DCAF6: variants seen among roughly 807,000 people sequenced by gnomAD.
The protein encoded by DCAF6 is DDB1 and CUL4 associated factor 6.
In DCAF6, 54 loss-of-function variants were observed where a neutral mutation model predicts 125.1. The observed-to-expected ratio is 0.43, with a 90% CI of 0.35 to 0.54. The LOEUF (loss-of-function observed/expected upper bound fraction) is 0.54, where lower values mean the gene tolerates loss of function less well. DCAF6 is among the 20% of genes least tolerant of loss of function. The pLI, the probability that DCAF6 is intolerant of heterozygous loss-of-function variation, is 0.01. For synonymous variants in DCAF6, 371 were observed against 390.4 expected, an observed-to-expected ratio of 0.95 and a Z score of 0.58; for missense variants, 934 against 1,161.7, an observed-to-expected ratio of 0.80 and a Z score of 2.85.
the DCAF6 span, among the ~76,000 whole-genome samples, chr1:167,894,180 G>A: frequency 2.0e-5 from 3 of 152,178 alleles, no homozygotes; most frequent in South Asian, 6.2e-4. Context: ...TGTTCAAACT[G>A]ACATGACGCT....
chr1:168,030,757 G>T (rs1686981881), intron 12 of DCAF6, among the ~76,000 whole-genome samples: 2 of 152,296 alleles, frequency 1.3e-5, no homozygotes, highest in South Asian at 4.1e-4. Context: ...CAGAGGCCAG[G>T]ACTTGTGTCT....
chr1:168,060,027 G>T (rs912416116), intron 17 of DCAF6, among the ~76,000 whole-genome samples: 2 of 152,120 alleles, frequency 1.3e-5, no homozygotes, highest in African/African-American at 4.8e-5. Flanking sequence ...ATAACTTAAA[G>T]ACACTTTTTG....
chr1:167,949,641 C>T (rs1384582325), intron 1 of DCAF6, among the ~76,000 whole-genome samples: 2 of 152,182 alleles, frequency 1.3e-5, no homozygotes, highest in African/African-American at 4.8e-5. Context: ...TACTGCTTGC[C>T]ATACATGAGT....
chr1:167,912,095 G>GTGAT, the DCAF6 span, among the ~76,000 whole-genome samples: 20 of 152,190 alleles, frequency 1.3e-4, no homozygotes, highest in Admixed American at 1.3e-3. Flanking sequence ...AAAATGATTA[G>GTGAT]TGATAGCTGT....
the DCAF6 span, among the ~76,000 whole-genome samples, chr1:167,898,028 A>G: frequency 7.0e-6 from 1 of 143,168 alleles, no homozygotes; most frequent in Non-Finnish European, 1.5e-5. Context: ...AAAAAAAATC[A>G]ACAAAATGCA....
chr1:168,030,066 C>T (rs183999901), intron 12 of DCAF6, among the ~76,000 whole-genome samples: 1 of 152,134 alleles, frequency 6.6e-6, no homozygotes. Flanking sequence ...AGAGGTCTGG[C>T]TCTGGCATCC....
At chr1:167,916,471 T>G in the DCAF6 span, among the ~76,000 whole-genome samples, 1 of 152,230 alleles carries the variant, frequency 6.6e-6, no homozygotes, top group African/African-American at 2.4e-5. Context: ...CCTCCCAAAG[T>G]GCTCGGATTA....
the DCAF6 span, among the ~76,000 whole-genome samples, chr1:167,882,486 A>T: frequency 1.7e-5 from 2 of 120,386 alleles, no homozygotes; most frequent in Non-Finnish European, 3.5e-5. Flanking sequence ...TTCCGTCTCA[A>T]AAAAAAAAAA....
intron 17 of DCAF6, among the ~76,000 whole-genome samples, chr1:168,061,161 C>CA (rs1394612526): frequency 1.3e-5 from 2 of 152,174 alleles, no homozygotes; most frequent in Non-Finnish European, 2.9e-5. Context: ...TCTCACCTCC[C>CA]AGTCAGAAAT....
intron 2 of DCAF6, among the ~76,000 whole-genome samples, chr1:167,963,349 A>G (rs1675911074): frequency 6.6e-6 from 1 of 150,536 alleles, no homozygotes; most frequent in Admixed American, 6.6e-5. Context: ...TATTTCCTAT[A>G]TTTGTTAACT....
At chr1:167,870,719 G>A in the DCAF6 span, among the ~76,000 whole-genome samples, 2 of 149,742 alleles carry the variant, frequency 1.3e-5, no homozygotes, top group Non-Finnish European at 3.0e-5. Flanking sequence ...TGAGGTAAGA[G>A]AATTGCTTGA....
intron 4 of DCAF6, among the ~76,000 whole-genome samples, chr1:167,975,925 T>G (rs760058327): frequency 6.6e-6 from 1 of 152,180 alleles, no homozygotes; most frequent in African/African-American, 2.4e-5. Flanking sequence ...CCATTTTTTG[T>G]GTTAAACTGG....
intron 12 of DCAF6, among the ~76,000 whole-genome samples, chr1:168,036,120 A>G (rs936931647): frequency 6.6e-6 from 1 of 152,206 alleles, no homozygotes; most frequent in South Asian, 2.1e-4. Flanking sequence ...GTAGGAAGAA[A>G]GTTTTAATTA....
chr1:168,065,837 A>T, intron 19 of DCAF6, 91 bp downstream of exon 19: 5 of 1,238,506 alleles, frequency 4.0e-6, no homozygotes, highest in Non-Finnish European at 4.4e-6. Context: ...TTAATATTAT[A>T]AGAATAATCC....
At chr1:168,058,486 A>G (rs1691180431) in intron 17 of DCAF6, among the ~76,000 whole-genome samples, 1 of 152,224 alleles carries the variant, frequency 6.6e-6, no homozygotes, top group Admixed American at 6.5e-5. Flanking sequence ...AAACAATAAT[A>G]TGGTCTTGAT....
the DCAF6 span, chr1:167,904,038 A>G: frequency 2.2e-6 from 3 of 1,368,214 alleles, no homozygotes; most frequent in South Asian, 2.3e-5. Context: ...GGGGGAATCA[A>G]ACAGAGCCAG....
chr1:167,973,430 C>G (rs776763492), intron 3 of DCAF6, among the ~76,000 whole-genome samples: 20 of 152,176 alleles, frequency 1.3e-4, no homozygotes, highest in Non-Finnish European at 2.5e-4. Flanking sequence ...TCCTAACAGT[C>G]TTTCCCCCAG....
intron 12 of DCAF6, among the ~76,000 whole-genome samples, chr1:168,030,619 A>G (rs897573270): frequency 1.3e-5 from 2 of 152,202 alleles, no homozygotes; most frequent in Non-Finnish European, 2.9e-5. Context: ...AATATTTAAG[A>G]TGTAGAATAA....
the DCAF6 span, among the ~76,000 whole-genome samples, chr1:167,888,518 G>A: frequency 7.3e-5 from 11 of 151,614 alleles, no homozygotes; most frequent in Admixed American, 2.0e-4. Context: ...TTTATTTTTA[G>A]CTATTGTTAA....
Sources: allele counts gnomAD v4.1 joint callset (sites outside exome capture counted in the v4.1 genomes callset), GRCh38; gene constraint gnomAD v4.1.1; transcripts MANE v1.5; gene names NCBI Gene and HGNC (gene_info 2026-07-23, HGNC 2026-07-21).